RIN2: variants seen among roughly 807,000 people sequenced by gnomAD.
RIN2 encodes the protein RAB5 interacting protein 2.
Under a neutral mutation model 78.0 loss-of-function variants are expected in RIN2, and 36 were observed. The observed-to-expected ratio is 0.46, with a 90% confidence interval of 0.35 to 0.61. The LOEUF is 0.61. RIN2 is among the 20% of genes least tolerant of loss of function. The probability of loss-of-function intolerance (pLI) is 0.00; values close to 1 mark genes in which losing one functional copy is unlikely to be tolerated. For missense variants in RIN2, 1,087 were observed against 1,159.7 expected, an observed-to-expected ratio of 0.94 and a Z score of 0.91; for synonymous variants, 466 against 466.8, an observed-to-expected ratio of 1.00 and a Z score of 0.02.
chr20:19,818,731 CAAAAAAAAAAAAGAAAGA>C (rs762812439), intron 2 of RIN2, among the ~76,000 whole-genome samples: 5,629 of 49,556 alleles, frequency 0.11, 155 homozygotes, highest in African/African-American at 0.23. Flanking sequence ...GACTCCGTAT[CAAAAAAAAAAAAGAAAGA>C]AAGAGAAAAA....
At chr20:19,936,513 G>T (rs1195993756) in intron 4 of RIN2, among the ~76,000 whole-genome samples, 2 of 152,150 alleles carry the variant, frequency 1.3e-5, no homozygotes, top group Non-Finnish European at 2.9e-5. Flanking sequence ...TTCTTTCATA[G>T]CCAGGAAAGG....
At chr20:19,955,871 G>T (rs895285188) in intron 4 of RIN2, among the ~76,000 whole-genome samples, 2 of 152,300 alleles carry the variant, frequency 1.3e-5, no homozygotes, top group Admixed American at 6.5e-5. Context: ...CTGGGGCATG[G>T]TTGTGCTTAT....
At chr20:19,777,651 A>T (rs971814488) in intron 1 of RIN2, among the ~76,000 whole-genome samples, 1 of 152,232 alleles carries the variant, frequency 6.6e-6, no homozygotes, top group African/African-American at 2.4e-5. Flanking sequence ...ACTAGTTTGT[A>T]TTCATTTCTG....
intron 2 of RIN2, among the ~76,000 whole-genome samples, chr20:19,858,253 G>A (rs1444962193): frequency 6.6e-6 from 1 of 152,106 alleles, no homozygotes; most frequent in African/African-American, 2.4e-5. Context: ...TTTCTTGAGT[G>A]GGGAGAATAG....
intron 2 of RIN2, among the ~76,000 whole-genome samples, chr20:19,819,694 C>T (rs1406731452): frequency 1.3e-5 from 2 of 152,126 alleles, no homozygotes; most frequent in East Asian, 1.9e-4. Flanking sequence ...GCCACCATGC[C>T]TAGCTAATTC....
At chr20:19,866,380 C>CT (rs1362724931) in intron 2 of RIN2, among the ~76,000 whole-genome samples, 2 of 152,072 alleles carry the variant, frequency 1.3e-5, no homozygotes, top group Non-Finnish European at 2.9e-5. Context: ...ATATATAGGA[C>CT]TGATGAACTC....
intron 2 of RIN2, among the ~76,000 whole-genome samples, chr20:19,827,423 C>A (rs1483155239): frequency 6.6e-6 from 1 of 152,190 alleles, no homozygotes; most frequent in Non-Finnish European, 1.5e-5. Flanking sequence ...ATTCCAAGAG[C>A]AATCATCTCT....
intron 3 of RIN2, among the ~76,000 whole-genome samples, chr20:19,920,012 A>G (rs1057364315): frequency 1.3e-5 from 2 of 151,878 alleles, no homozygotes; most frequent in African/African-American, 2.4e-5. Flanking sequence ...ACGTCATCCC[A>G]GGCCGGGCGC....
intron 3 of RIN2, among the ~76,000 whole-genome samples, chr20:19,899,123 C>T (rs2038866398): frequency 1.3e-5 from 2 of 152,152 alleles, no homozygotes; most frequent in Non-Finnish European, 2.9e-5. Flanking sequence ...CCTCTCCTTT[C>T]CTTGTTCCCA....
At position 19,781,797 on chromosome 20, in the gene RIN2, T is replaced by C. The variant is rs571513625; in HGVS notation, c.-162-17825T>C. On this transcript the variant is annotated intron_variant, in intron 1 of 12. Transcript: ENST00000255006. ...AGATTATACACTTTTTTTTTTTTTT[T>C]CAAGAAAAGTATTTCCAGGTATCCA... Among the ~76,000 whole-genome samples the C allele has an allele frequency of 6.4e-3, 951 of 149,710 alleles. 9 individuals carry two copies. The highest frequency in any genetic ancestry group is 0.022 in the African/African-American group (887 of 40,368).
intron 2 of RIN2, among the ~76,000 whole-genome samples, chr20:19,872,974 A>T (rs939218315): frequency 6.6e-6 from 1 of 152,160 alleles, no homozygotes; most frequent in Non-Finnish European, 1.5e-5. Flanking sequence ...TAAATGTTTT[A>T]AAAACTGCTT....
intron 11 of RIN2, among the ~76,000 whole-genome samples, chr20:19,995,616 A>G (rs1048779205): frequency 1.3e-5 from 2 of 152,200 alleles, no homozygotes; most frequent in African/African-American, 2.4e-5. Context: ...TAAATACACC[A>G]TCACAGGAAC....
At chr20:19,879,119 C>T (rs1568565731) in intron 2 of RIN2, among the ~76,000 whole-genome samples, 1 of 152,202 alleles carries the variant, frequency 6.6e-6, no homozygotes, top group Non-Finnish European at 1.5e-5. Context: ...GTGAAATATC[C>T]TATGTCCTTG....
intron 2 of RIN2, among the ~76,000 whole-genome samples, chr20:19,873,798 A>C (rs2037768099): frequency 6.6e-6 from 1 of 152,232 alleles, no homozygotes; most frequent in African/African-American, 2.4e-5. Flanking sequence ...AATTTACAGA[A>C]TTGAAAATAC....
At chr20:19,959,927 G>A (rs1469412026) in intron 5 of RIN2, among the ~76,000 whole-genome samples, 1 of 152,172 alleles carries the variant, frequency 6.6e-6, no homozygotes, top group Non-Finnish European at 1.5e-5. Context: ...GGACAGAATG[G>A]TGTCCTGAGA....
At position 19,974,918 on chromosome 20, in the gene RIN2, C is replaced by T; in HGVS notation, c.893C>T (p.Ala298Val). 1.9e-6 allele frequency: 3 copies of T among 1,613,832 alleles called. No homozygotes were observed. Among genetic ancestry groups the T allele is most frequent in the African/African-American group, 2.7e-5 (2 of 75,054 alleles). The change falls in exon 9 of 13, where the codon GCG (alanine) becomes GTG (valine). Residue 298 changes from alanine to valine, a missense_variant. Physicochemically the swap from Ala to Val is moderately conservative, Grantham distance 64 (BLOSUM62 0). Transcript: ENST00000255006. ...LKRPSTRTPNANGTERTRSPP... is the reference protein window; with the variant it reads ...LKRPSTRTPNVNGTERTRSPP... ...CGGCCGAGCACAAGGACTCCCAACG[C>T]GAATGGCACGGAGCGGACTCGGTCC...
chr20:19,783,585 G>A (rs747375475), intron 1 of RIN2, among the ~76,000 whole-genome samples: 29 of 152,090 alleles, frequency 1.9e-4, no homozygotes, highest in East Asian at 3.8e-4. Context: ...TCCCGAAGCC[G>A]GCTCTGAACA....
intron 2 of RIN2, among the ~76,000 whole-genome samples, chr20:19,872,553 G>A (rs1034085265): frequency 6.6e-5 from 10 of 151,974 alleles, no homozygotes; most frequent in South Asian, 4.2e-4. Flanking sequence ...AAGTTAATAC[G>A]CCCAGGAGCA....
rs1266350638 is a variant in RIN2, at chr20:19,824,041, G to T, written c.-37+24294G>T. ...AGCCGAAAGCCGAGAGAGCTGCTCT[G>T]CCTGCTTCTATGGCCCCCCAGGGAC... On this transcript the variant is annotated intron_variant, in intron 2 of 12. Transcript: ENST00000255006. 69 of 708,936 alleles carry T rather than the reference G, an allele frequency of 9.7e-5. No homozygotes were observed. In the East Asian group the frequency reaches 1.8e-3, roughly 19 times the overall value. 43.9% of individuals were successfully genotyped at this position (708,936 alleles called of 1,614,324 possible).
Sources: allele counts gnomAD v4.1 joint callset (sites outside exome capture counted in the v4.1 genomes callset), GRCh38; gene constraint gnomAD v4.1.1; transcripts MANE v1.5; gene names NCBI Gene and HGNC (gene_info 2026-07-23, HGNC 2026-07-21).